The following DMRT1 variants were observed in gnomAD, a reference collection of about 807,000 sequenced individuals.
The protein encoded by DMRT1 is doublesex- and mab-3-related transcription factor 1.
A neutral mutation model predicts 32.3 loss-of-function variants in DMRT1; 7 were observed. That is an observed-to-expected ratio of 0.22 (90% CI 0.12 to 0.41). The LOEUF (loss-of-function observed/expected upper bound fraction) is 0.41, where lower values mean the gene tolerates loss of function less well. Ranked by LOEUF, DMRT1 falls within the 10% of genes least tolerant of loss-of-function variation. DMRT1 has a pLI of 1.00. For synonymous variants in DMRT1, 278 were observed against 206.1 expected (o/e 1.35, Z -2.99); for missense variants, 625 against 500.5 (o/e 1.25, Z -2.37).
chr9:892,952 C>G (rs56358925), intron 2 of DMRT1, among the ~76,000 whole-genome samples: 6,310 of 152,142 alleles, frequency 0.041, 345 homozygotes, highest in African/African-American at 0.13. Context: ...CACCTGTGTC[C>G]TGCATCTTTT....
At chr9:950,162 G>A (rs1453454899) in intron 4 of DMRT1, among the ~76,000 whole-genome samples, 7 of 151,954 alleles carry the variant, frequency 4.6e-5, no homozygotes, top group Non-Finnish European at 8.8e-5. Context: ...TGGGTCTCTT[G>A]GATATCTCCT....
chr9:842,366 C>G, intron 1 of DMRT1, 174 bp downstream of exon 1: 1 of 818,826 alleles, frequency 1.2e-6, no homozygotes, highest in African/African-American at 1.8e-5. Context: ...TCCCAAGTAG[C>G]TGGGACTACA....
At chr9:883,612 C>G (rs1450908258) in intron 2 of DMRT1, among the ~76,000 whole-genome samples, 1 of 149,984 alleles carries the variant, frequency 6.7e-6, no homozygotes, top group East Asian at 1.9e-4. Context: ...GCAACATAGC[C>G]TGACCCTGTC....
intron 4 of DMRT1, among the ~76,000 whole-genome samples, chr9:959,004 C>G (rs1819685465): frequency 1.3e-5 from 2 of 152,358 alleles, no homozygotes; most frequent in South Asian, 2.1e-4. Context: ...TTCTGCAAGG[C>G]TGCTTTAAAA....
intron 3 of DMRT1, among the ~76,000 whole-genome samples, chr9:896,562 C>A (rs1427880485): frequency 6.6e-6 from 1 of 152,094 alleles, no homozygotes; most frequent in Non-Finnish European, 1.5e-5. Flanking sequence ...TGCCTGTATT[C>A]CTAGCACTTT....
intron 2 of DMRT1, among the ~76,000 whole-genome samples, chr9:888,696 G>A (rs1414715379): frequency 7.0e-6 from 1 of 143,174 alleles, no homozygotes; most frequent in Admixed American, 6.8e-5. Flanking sequence ...AGCGTGTGGA[G>A]CAGTTGTTAA....
chr9:943,114 T>C (rs1647256315), intron 4 of DMRT1, among the ~76,000 whole-genome samples: 1 of 152,192 alleles, frequency 6.6e-6, no homozygotes, highest in African/African-American at 2.4e-5. Context: ...CAGGTTGTTA[T>C]TCCAAGGAGT....
intron 4 of DMRT1, among the ~76,000 whole-genome samples, chr9:940,389 C>T (rs1233535316): frequency 6.6e-6 from 1 of 151,966 alleles, no homozygotes; most frequent in African/African-American, 2.4e-5. Context: ...GATAGAAAGC[C>T]CAGAAATAAC....
At chr9:845,358 C>G (rs188207433) in intron 1 of DMRT1, among the ~76,000 whole-genome samples, 1 of 151,986 alleles carries the variant, frequency 6.6e-6, no homozygotes, top group Non-Finnish European at 1.5e-5. Context: ...CAGGCGCACA[C>G]CACCATGCCT....
At chr9:910,036 A>T (rs923622793) in intron 3 of DMRT1, among the ~76,000 whole-genome samples, 1 of 152,160 alleles carries the variant, frequency 6.6e-6, no homozygotes, top group Non-Finnish European at 1.5e-5. Flanking sequence ...TATTTGTTTA[A>T]ATATCAGTTT....
intron 4 of DMRT1, among the ~76,000 whole-genome samples, chr9:939,413 T>C (rs1156675851): frequency 6.6e-6 from 1 of 152,224 alleles, no homozygotes; most frequent in Non-Finnish European, 1.5e-5. Context: ...TCTCTAAAAC[T>C]CTTATGTCAG....
chr9:888,369 G>A (rs1053739896), intron 2 of DMRT1, among the ~76,000 whole-genome samples: 3 of 151,180 alleles, frequency 2.0e-5, no homozygotes, highest in Admixed American at 6.6e-5. Context: ...GCAGTGGTGC[G>A]ATCTCGGCTC....
intron 2 of DMRT1, among the ~76,000 whole-genome samples, chr9:867,982 A>G (rs897927263): frequency 2.0e-5 from 3 of 152,156 alleles, no homozygotes; most frequent in Non-Finnish European, 4.4e-5. Flanking sequence ...GAAATCAACA[A>G]TTGTTGTTTT....
chr9:854,001 T>C (rs1027548463), intron 2 of DMRT1, among the ~76,000 whole-genome samples: 30 of 151,596 alleles, frequency 2.0e-4, no homozygotes, highest in African/African-American at 7.0e-4. Flanking sequence ...AGGGTCTCTT[T>C]TTGTTGCCCA....
intron 4 of DMRT1, among the ~76,000 whole-genome samples, chr9:935,616 G>C (rs1023643449): frequency 1.3e-5 from 2 of 152,196 alleles, no homozygotes; most frequent in Non-Finnish European, 2.9e-5. Context: ...GCACTTGCCT[G>C]AGGCTGTGAG....
At chr9:910,349 T>TA (rs1465482745) in intron 3 of DMRT1, among the ~76,000 whole-genome samples, 1 of 152,162 alleles carries the variant, frequency 6.6e-6, no homozygotes, top group Non-Finnish European at 1.5e-5. Context: ...TCCCCTTTGT[T>TA]ACATCAACTC....
chr9:947,930 G>T (rs1431080429), intron 4 of DMRT1, among the ~76,000 whole-genome samples: 1 of 152,194 alleles, frequency 6.6e-6, no homozygotes, highest in African/African-American at 2.4e-5. Context: ...GTGGGCCTGG[G>T]GTCAGCCATG....
intron 2 of DMRT1, among the ~76,000 whole-genome samples, chr9:864,485 GC>G (rs1352516599): frequency 7.3e-6 from 1 of 137,416 alleles, no homozygotes; most frequent in Non-Finnish European, 1.5e-5. Context: ...GAGCCACCAT[GC>G]CCAGCCAGTA....
chr9:922,301 CTGTT>C (rs1265460239), intron 4 of DMRT1, among the ~76,000 whole-genome samples: 5 of 152,246 alleles, frequency 3.3e-5, no homozygotes, highest in African/African-American at 1.2e-4. Context: ...GCTCCACAGA[CTGTT>C]TGAAGATCAC....
Sources: allele counts gnomAD v4.1 joint callset (sites outside exome capture counted in the v4.1 genomes callset), GRCh38; gene constraint gnomAD v4.1.1; transcripts MANE v1.5; gene names NCBI Gene and HGNC (gene_info 2026-07-23, HGNC 2026-07-21).